Variants in FBXL17 observed in about 807,000 individuals in gnomAD.
FBXL17 encodes the protein F-box/LRR-repeat protein 17.
A neutral mutation model predicts 66.2 loss-of-function variants in FBXL17; 22 were observed. The ratio of observed to expected loss-of-function variants is 0.33; its 90% CI spans 0.24 to 0.47. The LOEUF is 0.47. Ranked by LOEUF, FBXL17 falls within the 20% of genes least tolerant of loss-of-function variation. The pLI, the probability that FBXL17 is intolerant of heterozygous loss-of-function variation, is 1.00. For missense variants in FBXL17, 878 were observed against 948.2 expected, an observed-to-expected ratio of 0.93 and a Z score of 0.97; for synonymous variants, 474 against 400.5, an observed-to-expected ratio of 1.18 and a Z score of -2.19.
At chr5:108,015,637 C>A (rs1246181008) in intron 7 of FBXL17, among the ~76,000 whole-genome samples, 1 of 152,054 alleles carries the variant, frequency 6.6e-6, no homozygotes, top group African/African-American at 2.4e-5. Context: ...TTTATCAGTG[C>A]TAGTCTGGCA....
chr5:108,377,960 T>C (rs1480271044), intron 1 of FBXL17, among the ~76,000 whole-genome samples: 7 of 152,228 alleles, frequency 4.6e-5, no homozygotes, highest in East Asian at 1.9e-4. Context: ...AAAAGTGATA[T>C]GGCTGTTATA....
chr5:107,955,419 T>C lies in FBXL17; in HGVS notation c.1822+65506A>G, dbSNP rs140792105. Among the ~76,000 whole-genome samples the C allele has an allele frequency of 2.1e-3, 319 of 152,288 alleles. 2 individuals carry two copies. Among genetic ancestry groups the C allele is most frequent in the African/African-American group, 7.5e-3 (311 of 41,566 alleles). On this transcript the variant is annotated intron_variant, in intron 7 of 8. Transcript: ENST00000542267. ...AAGAAACATCAGAAAGATGCTTCAC[T>C]TTACCACAAAGTGATCTGAAACCCT...
chr5:108,021,198 G>A (rs1170047503), intron 6 of FBXL17, among the ~76,000 whole-genome samples, 197 bp from the exon 7 acceptor site: 1 of 151,538 alleles, frequency 6.6e-6, no homozygotes, highest in African/African-American at 2.4e-5. Context: ...TTTATGACTA[G>A]TGCATCTTTT....
At chr5:108,145,988 G>T (rs796671070) in intron 6 of FBXL17, among the ~76,000 whole-genome samples, 50 of 152,178 alleles carry the variant, frequency 3.3e-4, no homozygotes, top group African/African-American at 1.2e-3. Context: ...GGAGGCCGAG[G>T]CGGGCGGATC....
chr5:108,378,513 A>G (rs1749609063), intron 1 of FBXL17, among the ~76,000 whole-genome samples: 4 of 151,878 alleles, frequency 2.6e-5, no homozygotes, highest in Admixed American at 2.0e-4. Context: ...AACCCTTCTA[A>G]TATTAGAAAA....
intron 6 of FBXL17, among the ~76,000 whole-genome samples, chr5:108,090,314 A>G (rs865861087): frequency 6.6e-6 from 1 of 152,162 alleles, no homozygotes; most frequent in Non-Finnish European, 1.5e-5. Flanking sequence ...TCAGTCTTCC[A>G]CATTTTCTCC....
intron 7 of FBXL17, among the ~76,000 whole-genome samples, chr5:107,986,708 G>T (rs55903922): frequency 0.018 from 2,769 of 151,782 alleles, 81 homozygotes; most frequent in African/African-American, 0.064. Context: ...TCATTTAAAA[G>T]ATAAAGCAGA....
At chr5:108,088,513 A>G (rs1232905508) in intron 6 of FBXL17, among the ~76,000 whole-genome samples, 1 of 151,972 alleles carries the variant, frequency 6.6e-6, no homozygotes, top group African/African-American at 2.4e-5. Flanking sequence ...CATCCTGGCT[A>G]ACACAGTAAA....
intron 8 of FBXL17, among the ~76,000 whole-genome samples, chr5:107,863,265 C>A (rs1237155310): frequency 1.3e-5 from 2 of 151,340 alleles, no homozygotes; most frequent in African/African-American, 4.8e-5. Context: ...ATTTAGGAGT[C>A]ATGTATCATC....
At chr5:108,185,966 T>C (rs1001954982) in intron 6 of FBXL17, 151 bp downstream of exon 6, 10 of 592,432 alleles carry the variant, frequency 1.7e-5, no homozygotes, top group African/African-American at 9.3e-5. Flanking sequence ...ATTAAAAGTA[T>C]AGATCTAGAT....
chr5:108,094,636 T>C (rs888844506), intron 6 of FBXL17, among the ~76,000 whole-genome samples: 1 of 152,150 alleles, frequency 6.6e-6, no homozygotes, highest in Non-Finnish European at 1.5e-5. Context: ...GTTGCAAATG[T>C]GTTCCTACTA....
chr5:108,128,246 T>A (rs200147766), intron 6 of FBXL17, among the ~76,000 whole-genome samples: 6 of 145,582 alleles, frequency 4.1e-5, no homozygotes, highest in East Asian at 2.0e-4. Flanking sequence ...ACTCCATCTT[T>A]AAAAAAAAAA....
intron 6 of FBXL17, among the ~76,000 whole-genome samples, chr5:108,032,924 T>C (rs989785795): frequency 2.0e-5 from 3 of 152,168 alleles, no homozygotes; most frequent in East Asian, 1.9e-4. Context: ...GATGATGTGA[T>C]TGGATGGAAC....
chr5:108,209,958 G>GCC (rs1754295321), intron 5 of FBXL17, among the ~76,000 whole-genome samples: 1 of 151,958 alleles, frequency 6.6e-6, no homozygotes, highest in Non-Finnish European at 1.5e-5. Context: ...TTTTTGGTTG[G>GCC]CAGACTATTA....
chr5:108,017,520 T>C (rs1313655605), intron 7 of FBXL17, among the ~76,000 whole-genome samples: 1 of 152,206 alleles, frequency 6.6e-6, no homozygotes, highest in Non-Finnish European at 1.5e-5. Context: ...CACAAGTGTT[T>C]TATATTGATT....
chr5:108,164,979 C>G (rs1172336973), intron 6 of FBXL17, among the ~76,000 whole-genome samples: 1 of 152,080 alleles, frequency 6.6e-6, no homozygotes, highest in East Asian at 1.9e-4. Context: ...TGATAGCATC[C>G]ACAATTGGCA....
At chr5:108,150,597 T>C (rs1383399075) in intron 6 of FBXL17, among the ~76,000 whole-genome samples, 1 of 152,216 alleles carries the variant, frequency 6.6e-6, no homozygotes, top group African/African-American at 2.4e-5. Flanking sequence ...ATTTTTGCTC[T>C]TGTGTTTCAT....
intron 8 of FBXL17, among the ~76,000 whole-genome samples, chr5:107,873,363 T>C (rs867918699): frequency 5.3e-5 from 8 of 152,344 alleles, no homozygotes; most frequent in African/African-American, 1.9e-4. Flanking sequence ...CTATCACCTA[T>C]CACAGTGACT....
intron 4 of FBXL17, among the ~76,000 whole-genome samples, chr5:108,267,826 T>G (rs1454538239): frequency 6.6e-6 from 1 of 152,092 alleles, no homozygotes; most frequent in East Asian, 1.9e-4. Context: ...AAAGAAGGCC[T>G]CCTTGGGGAA....
Sources: gnomAD v4.1 joint callset for allele counts (sites outside exome capture counted in the v4.1 genomes callset) on GRCh38, gnomAD v4.1.1 for gene constraint, MANE v1.5 for transcripts, NCBI Gene and HGNC (gene_info 2026-07-23, HGNC 2026-07-21) for gene names.